GNG2: variants seen among roughly 807,000 people sequenced by gnomAD.
GNG2 encodes guanine nucleotide-binding protein G(I)/G(S)/G(O) subunit gamma-2.
Under a neutral mutation model 5.5 loss-of-function variants are expected in GNG2, and 5 were observed. That is an observed-to-expected ratio of 0.91 (90% confidence interval 0.48 to 1.92). The LOEUF (loss-of-function observed/expected upper bound fraction) is 1.92. Ranked by LOEUF, GNG2 falls within the 30% of genes most tolerant of loss-of-function variation. GNG2 has a pLI of 0.01. For synonymous variants in GNG2, 28 were observed against 32.0 expected, an observed-to-expected ratio of 0.88 and a Z score of 0.42; for missense variants, 55 against 88.4, an observed-to-expected ratio of 0.62 and a Z score of 1.52.
At chr14:51,934,062 G>A (rs1666364397) in intron 2 of GNG2, among the ~76,000 whole-genome samples, 1 of 152,184 alleles carries the variant, frequency 6.6e-6, no homozygotes, top group African/African-American at 2.4e-5. Flanking sequence ...GATCCGACCA[G>A]GATTGGGGAT....
chr14:51,928,596 A>T (rs909485653), intron 2 of GNG2, among the ~76,000 whole-genome samples: 4 of 152,224 alleles, frequency 2.6e-5, no homozygotes, highest in African/African-American at 9.7e-5. Flanking sequence ...AAACGGATTC[A>T]GTTTTATCTC....
At chr14:51,904,193 A>C (rs1885754509) in intron 2 of GNG2, among the ~76,000 whole-genome samples, 2 of 152,154 alleles carry the variant, frequency 1.3e-5, no homozygotes, top group African/African-American at 4.8e-5. Context: ...AAAAACTGCC[A>C]CTGGAATTGC....
intron 1 of GNG2, among the ~76,000 whole-genome samples, chr14:51,866,683 A>T (rs570156228): frequency 7.5e-4 from 115 of 152,320 alleles, no homozygotes; most frequent in Admixed American, 2.7e-3. Flanking sequence ...CACATGACAG[A>T]AGGGGCCAGC....
In GNG2 at chr14:51,901,114, G is replaced by A. The variant is rs139084636; in HGVS notation, c.-30+23457G>A. 2.0e-4 allele frequency among the ~76,000 whole-genome samples: 30 copies of A among 152,292 alleles called. No individual in the cohort carries two copies. The East Asian group carries it at 3.5e-3, about 18-fold the overall frequency. On this transcript the variant is annotated intron_variant, in intron 2 of 3. Coordinates refer to ENST00000556766, the MANE Select transcript of GNG2 (RefSeq NM_053064.5). Reference sequence around the variant, plus strand: ...GTTTTGGGATATCCAGAGTTGGCATGCACCATTAGAGCTATATTGGGTGTT... The same window carrying A: ...GTTTTGGGATATCCAGAGTTGGCATACACCATTAGAGCTATATTGGGTGTT...
chr14:51,894,484 C>T (rs1885060113), intron 2 of GNG2, among the ~76,000 whole-genome samples: 1 of 152,052 alleles, frequency 6.6e-6, no homozygotes, highest in East Asian at 1.9e-4. Flanking sequence ...GACTTAATTC[C>T]AACTTTGCTA....
intron 2 of GNG2, among the ~76,000 whole-genome samples, chr14:51,934,518 A>G (rs2140250913): frequency 6.6e-6 from 1 of 152,340 alleles, no homozygotes; most frequent in South Asian, 2.1e-4. Context: ...AAAGGAATCA[A>G]GCAGTCATTT....
chr14:51,867,219 C>A (rs964855708), intron 1 of GNG2, among the ~76,000 whole-genome samples: 1 of 152,162 alleles, frequency 6.6e-6, no homozygotes, highest in Non-Finnish European at 1.5e-5. Flanking sequence ...TCTCCCTAAT[C>A]AAATTCTGTC....
chr14:51,914,930 C>A (rs1315859616), intron 2 of GNG2, among the ~76,000 whole-genome samples: 1 of 152,202 alleles, frequency 6.6e-6, no homozygotes, highest in Non-Finnish European at 1.5e-5. Flanking sequence ...TGCCATCATG[C>A]CTTTCTGTCA....
At chr14:51,839,446 A>G (rs1322404387) in intron 2 of GNG2, among the ~76,000 whole-genome samples, 1 of 152,178 alleles carries the variant, frequency 6.6e-6, no homozygotes, top group Non-Finnish European at 1.5e-5. Flanking sequence ...TGAGGGAGGT[A>G]TCTACCTTTT....
chr14:51,840,710 A>G (rs774972796), intron 2 of GNG2, among the ~76,000 whole-genome samples: 4 of 152,232 alleles, frequency 2.6e-5, no homozygotes, highest in Non-Finnish European at 5.9e-5. Flanking sequence ...CAATCTGCCC[A>G]TAGGTCAAGC....
At chr14:51,863,562 T>C (rs1882667740) in intron 1 of GNG2, among the ~76,000 whole-genome samples, 1 of 152,204 alleles carries the variant, frequency 6.6e-6, no homozygotes, top group African/African-American at 2.4e-5. Context: ...TTTAACTATT[T>C]TTTTAAGTAT....
intron 2 of GNG2, among the ~76,000 whole-genome samples, chr14:51,942,585 C>CTTTCTTTCTTTCTTTCTT (rs1555356832): frequency 3.2e-5 from 2 of 61,586 alleles, no homozygotes; most frequent in Non-Finnish European, 5.9e-5. Flanking sequence ...TTCTTTCTTT[C>CTTTCTTTCTTTCTTTCTT]TTTCTTTTTT....
chr14:51,866,366 A>G (rs1882886220), intron 1 of GNG2, among the ~76,000 whole-genome samples: 1 of 152,100 alleles, frequency 6.6e-6, no homozygotes, highest in Non-Finnish European at 1.5e-5. Flanking sequence ...TGCATTTTCA[A>G]TGGAAACCAT....
intron 1 of GNG2, chr14:51,874,113 G>C (rs974379724): frequency 6.6e-6 from 1 of 152,194 alleles, no homozygotes; most frequent in Non-Finnish European, 1.5e-5. Context: ...CTGTTTTTAA[G>C]ACTGTTTCTA....
intron 1 of GNG2, among the ~76,000 whole-genome samples, chr14:51,871,240 T>C (rs139100239): frequency 5.6e-4 from 86 of 152,250 alleles, no homozygotes; most frequent in African/African-American, 2.0e-3. Context: ...GACATTTTTA[T>C]TTTTTCTTTG....
chr14:51,875,565 T>C (rs1247007105), intron 1 of GNG2, among the ~76,000 whole-genome samples: 2 of 152,104 alleles, frequency 1.3e-5, no homozygotes, highest in African/African-American at 4.8e-5. Flanking sequence ...TTTGATGTAT[T>C]TTCTTCCAGT....
chr14:51,904,798 G>A (rs1196268208), intron 2 of GNG2, among the ~76,000 whole-genome samples: 1 of 152,238 alleles, frequency 6.6e-6, no homozygotes, highest in Non-Finnish European at 1.5e-5. Flanking sequence ...TTGTGTCTTA[G>A]CAAGTTGTCG....
chr14:51,866,670 C>A lies in GNG2; in HGVS notation c.-71+5880C>A, dbSNP rs549962631. ...GCCGTGGACAGCACTTTCTGTGTGT[C>A]CCCACATGACAGAAGGGGCCAGCTG... On this transcript the variant is annotated intron_variant, in intron 1 of 3. Coordinates refer to ENST00000556766, the MANE Select transcript of GNG2 (RefSeq NM_053064.5). Among the ~76,000 whole-genome samples, 458 of 152,236 alleles carry A rather than the reference C, an allele frequency of 3.0e-3. 3 individuals carry two copies. The highest frequency in any genetic ancestry group is 6.8e-3 in the Middle Eastern group (2 of 294).
chr14:51,855,247 G>T (rs551385315), intron 2 of GNG2, among the ~76,000 whole-genome samples: 7 of 152,322 alleles, frequency 4.6e-5, no homozygotes, highest in Non-Finnish European at 7.3e-5. Flanking sequence ...GAAAGAGTTG[G>T]CTATCACTCT....
Sources: gnomAD v4.1 joint callset for allele counts (sites outside exome capture counted in the v4.1 genomes callset) on GRCh38, gnomAD v4.1.1 for gene constraint, MANE v1.5 for transcripts, NCBI Gene and HGNC (gene_info 2026-07-23, HGNC 2026-07-21) for gene names.